CYTH1: variants seen among roughly 807,000 people sequenced by gnomAD.
The protein encoded by CYTH1 is cytohesin 1.
CYTH1 carries 18 observed loss-of-function variants against 61.8 expected under a neutral mutation model. The observed-to-expected ratio is 0.29, with a 90% confidence interval of 0.20 to 0.43. CYTH1 has a LOEUF of 0.43. Ranked by LOEUF, CYTH1 falls within the 20% of genes least tolerant of loss-of-function variation. The pLI, the probability that CYTH1 is intolerant of heterozygous loss-of-function variation, is 1.00. For synonymous variants in CYTH1, 174 were observed against 184.3 expected (o/e 0.94, Z 0.45); for missense variants, 336 against 510.5 (o/e 0.66, Z 3.29).
chr17:78,763,547 T>G (rs543254469), intron 1 of CYTH1, among the ~76,000 whole-genome samples: 4 of 152,222 alleles, frequency 2.6e-5, no homozygotes, highest in Admixed American at 2.6e-4. Flanking sequence ...ATACCTATGA[T>G]AAAATTTATA....
intron 11 of CYTH1, among the ~76,000 whole-genome samples, chr17:78,690,569 G>A (rs1476981133): frequency 1.3e-5 from 2 of 151,762 alleles, no homozygotes; most frequent in Non-Finnish European, 1.5e-5. Flanking sequence ...GGTGGCGCAC[G>A]CCTCTAGTCC....
intron 1 of CYTH1, among the ~76,000 whole-genome samples, chr17:78,752,749 C>T (rs906351883): frequency 1.3e-5 from 2 of 152,128 alleles, no homozygotes; most frequent in East Asian, 1.9e-4. Flanking sequence ...ACTTCAACAA[C>T]GTATTTCAGT....
chr17:78,760,496 T>C (rs1462621485), intron 1 of CYTH1, among the ~76,000 whole-genome samples: 7 of 50,634 alleles, frequency 1.4e-4, no homozygotes, highest in East Asian at 5.7e-4. Flanking sequence ...TATATATATA[T>C]ACATATATAT....
Position 78,775,239 on chromosome 17 carries a change from G to C in CYTH1, c.22+6963C>G, listed in dbSNP as rs999042412. 1.3e-4 allele frequency among the ~76,000 whole-genome samples: 20 copies of C among 152,238 alleles called. 1 individual carries two copies. The highest frequency in any genetic ancestry group is 1.3e-3 in the Admixed American group (20 of 15,282). The stretch of plus-strand genomic sequence containing the variant: ...CCTGTGGCCCATGAAGATTGGGGGG[G>C]CCGCTGGGGGTTAGGGGAAGAGGAG... On this transcript the variant is annotated intron_variant, in intron 1 of 13. Coordinates refer to ENST00000446868, the MANE Select transcript of CYTH1 (RefSeq NM_004762.6).
chr17:78,759,150 A>T (rs201380291), intron 1 of CYTH1, among the ~76,000 whole-genome samples: 2 of 152,208 alleles, frequency 1.3e-5, no homozygotes, highest in East Asian at 3.8e-4. Context: ...AATGTTTGCC[A>T]AAGTGCTAAA....
At chr17:78,741,556 T>G (rs947748353) in intron 1 of CYTH1, among the ~76,000 whole-genome samples, 1 of 152,066 alleles carries the variant, frequency 6.6e-6, no homozygotes, top group Non-Finnish European at 1.5e-5. Flanking sequence ...GGGCAGAGTT[T>G]AGAGAGGACA....
chr17:78,730,800 G>A (rs1048115678), intron 1 of CYTH1, among the ~76,000 whole-genome samples: 20 of 151,692 alleles, frequency 1.3e-4, no homozygotes, highest in Non-Finnish European at 2.5e-4. Flanking sequence ...GAGTGGCTGG[G>A]ACTACAGGCG....
rs138186674 is a variant in CYTH1 at position 78,706,809 on chromosome 17, A to G, written c.170+1388T>C. ...GTGGTTTTAAATTACATCCCCTACA[A>G]CTAATGATGTTAAGCATTTTTCATG... is the stretch of plus-strand genomic sequence containing the variant. On this transcript the variant is annotated intron_variant, in intron 3 of 13. Transcript: ENST00000446868. Among the ~76,000 whole-genome samples, 469 of 152,306 alleles carry G rather than the reference A, an allele frequency of 3.1e-3. 3 individuals are homozygous for G. Among genetic ancestry groups the G allele is most frequent in the African/African-American group, 0.01 (427 of 41,564 alleles).
At position 78,676,175 on chromosome 17, in the gene CYTH1, G is replaced by A. The variant is rs1236897548; in HGVS notation, c.1119-6C>T. On this transcript the variant is annotated splice_region_variant and splice_polypyrimidine_tract_variant and intron_variant, in intron 13 of 13. Transcript: ENST00000446868. ...GGTCCCTGCTGATGGCTGCTCTGGA[G>A]CACAGAAAAGGGAGAAAACAGAGAC... 1 of 1,603,716 alleles carries A rather than the reference G, an allele frequency of 6.2e-7. No individual in the cohort carries two copies. Among genetic ancestry groups the A allele is most frequent in the Non-Finnish European group, 8.5e-7 (1 of 1,175,184 alleles).
At chr17:78,776,510 T>C (rs2093491604) in intron 1 of CYTH1, among the ~76,000 whole-genome samples, 1 of 151,228 alleles carries the variant, frequency 6.6e-6, no homozygotes, top group South Asian at 2.1e-4. Context: ...TACAAAACAA[T>C]TAGCTGAGCG....
chr17:78,752,007 A>G (rs894167874), intron 1 of CYTH1, among the ~76,000 whole-genome samples: 15 of 152,234 alleles, frequency 9.9e-5, no homozygotes, highest in African/African-American at 3.4e-4. Context: ...AAGTGCTGGG[A>G]TAACAGGCGT....
At chr17:78,676,216 A>G in intron 13 of CYTH1, 47 bp from the exon 14 acceptor site, 1 of 1,559,688 alleles carries the variant, frequency 6.4e-7, no homozygotes, top group Non-Finnish European at 8.7e-7. Context: ...GGACAGAATC[A>G]GAAGAAACAC....
At chr17:78,779,268 C>T (rs1050726501) in intron 1 of CYTH1, among the ~76,000 whole-genome samples, 6 of 151,820 alleles carry the variant, frequency 4.0e-5, no homozygotes, top group Non-Finnish European at 8.8e-5. Flanking sequence ...GGCGTGGTGG[C>T]GCATGCCTGT....
chr17:78,698,462 G>A (rs771456971), intron 8 of CYTH1, 82 bp from the exon 9 acceptor site: 26 of 1,125,044 alleles, frequency 2.3e-5, no homozygotes, highest in Non-Finnish European at 3.2e-5. Flanking sequence ...CATTCCACAA[G>A]CATTCATGTG....
intron 1 of CYTH1, among the ~76,000 whole-genome samples, chr17:78,740,846 C>T (rs2093339186): frequency 6.6e-6 from 1 of 152,162 alleles, no homozygotes; most frequent in African/African-American, 2.4e-5. Context: ...ATATCTATAA[C>T]ATCAATCCCA....
At chr17:78,749,207 G>A (rs1354137725) in intron 1 of CYTH1, among the ~76,000 whole-genome samples, 1 of 152,086 alleles carries the variant, frequency 6.6e-6, no homozygotes, top group South Asian at 2.1e-4. Context: ...TCTGAGACCA[G>A]CCAGCACTTT....
intron 5 of CYTH1, 119 bp from the exon 6 acceptor site, chr17:78,701,870 C>G (rs2093013848): frequency 2.9e-6 from 3 of 1,018,848 alleles, no homozygotes; most frequent in East Asian, 2.4e-5. Flanking sequence ...CCTGCCCAGA[C>G]AGCCACTTGT....
intron 12 of CYTH1, 63 bp from the exon 13 acceptor site, chr17:78,680,407 T>A: frequency 6.6e-7 from 1 of 1,519,034 alleles, no homozygotes; most frequent in South Asian, 1.3e-5. Flanking sequence ...AGAAACATGC[T>A]GATTTCTTTC....
chr17:78,695,539 C>T (rs2092929958), intron 10 of CYTH1, among the ~76,000 whole-genome samples: 1 of 152,114 alleles, frequency 6.6e-6, no homozygotes, highest in Admixed American at 6.5e-5. Context: ...TTTGGGAAGT[C>T]AAGACTTTGT....
Sources: gnomAD v4.1 joint callset for allele counts (sites outside exome capture counted in the v4.1 genomes callset) on GRCh38, gnomAD v4.1.1 for gene constraint, MANE v1.5 for transcripts, NCBI Gene and HGNC (gene_info 2026-07-23, HGNC 2026-07-21) for gene names.